Variants in PDE5A observed in about 807,000 individuals in gnomAD.
PDE5A encodes the protein cGMP-specific 3',5'-cyclic phosphodiesterase.
In PDE5A, 67 loss-of-function variants were observed where a neutral mutation model predicts 110.2. That is an observed-to-expected ratio of 0.61 (90% CI 0.50 to 0.75). The LOEUF is 0.75. Among genes scored for constraint, PDE5A ranks in the 30% least tolerant of loss-of-function variants. PDE5A has a pLI of 0.00. For synonymous variants in PDE5A, 328 were observed against 351.2 expected, an observed-to-expected ratio of 0.93 and a Z score of 0.74; for missense variants, 862 against 1,045.1, an observed-to-expected ratio of 0.82 and a Z score of 2.42.
At chr4:119,541,201 A>G (rs1271616647) in intron 10 of PDE5A, among the ~76,000 whole-genome samples, 1 of 152,030 alleles carries the variant, frequency 6.6e-6, no homozygotes, top group Non-Finnish European at 1.5e-5. Context: ...GAAACTTTCC[A>G]TAATAAAACA....
At position 119,498,437 on chromosome 4, in the gene PDE5A, TAA is replaced by T; in HGVS notation, c.*162_*163del. 1 of 676,320 alleles carries T rather than the reference TAA, an allele frequency of 1.5e-6. No individual in the cohort carries two copies. The highest frequency in any genetic ancestry group is 2.4e-6 in the Non-Finnish European group (1 of 409,732). The allele number at this position is 676,320 out of a possible 1,614,324, so 41.9% of individuals were successfully genotyped here. On this transcript the variant is annotated 3_prime_UTR_variant, in exon 21 of 21. Transcript: ENST00000354960. ...ATACAAAAAATATGTAATAGTCCTC[TAA>T]AAACATTCATGCTATACTCTCAAAA...
intron 4 of PDE5A, among the ~76,000 whole-genome samples, chr4:119,566,379 AATTCAGTAGGCTATGAT>A (rs1228598691): frequency 6.6e-6 from 1 of 152,168 alleles, no homozygotes; most frequent in African/African-American, 2.4e-5. Context: ...GAATAGGAAT[AATTCAGTAGGCTATGAT>A]ATACACATAA....
intron 3 of PDE5A, among the ~76,000 whole-genome samples, chr4:119,577,373 G>C (rs1207296525): frequency 2.6e-5 from 4 of 152,050 alleles, no homozygotes; most frequent in Admixed American, 1.3e-4. Flanking sequence ...GCCTGGCAGA[G>C]ACACCACAAA....
At chr4:119,575,130 T>C (rs917294351) in intron 3 of PDE5A, among the ~76,000 whole-genome samples, 1 of 152,066 alleles carries the variant, frequency 6.6e-6, no homozygotes, top group African/African-American at 2.4e-5. Flanking sequence ...AAGAGACGTT[T>C]AGAGAAAAAA....
chr4:119,507,919 C>T (rs1236908376), intron 15 of PDE5A, among the ~76,000 whole-genome samples: 1 of 151,896 alleles, frequency 6.6e-6, no homozygotes, highest in Non-Finnish European at 1.5e-5. Context: ...CATCTGCCTA[C>T]ATATGCATGT....
intron 3 of PDE5A, among the ~76,000 whole-genome samples, chr4:119,593,865 A>T (rs1291281945): frequency 1.3e-5 from 2 of 152,270 alleles, no homozygotes; most frequent in East Asian, 3.9e-4. Context: ...TCATGGCAGA[A>T]GGCAAAGGAG....
chr4:119,524,502 T>TATAACC (rs1382301004), intron 12 of PDE5A, among the ~76,000 whole-genome samples: 1 of 152,166 alleles, frequency 6.6e-6, no homozygotes, highest in Non-Finnish European at 1.5e-5. Flanking sequence ...AAACTTTGGT[T>TATAACC]AAATTCAGGA....
intron 9 of PDE5A, among the ~76,000 whole-genome samples, chr4:119,552,237 G>A (rs1727380315): frequency 6.6e-6 from 1 of 151,932 alleles, no homozygotes; most frequent in South Asian, 2.1e-4. Flanking sequence ...CAACATCCAG[G>A]AAATAAGACT....
At chr4:119,517,389 T>C (rs1725948316) in intron 14 of PDE5A, among the ~76,000 whole-genome samples, 2 of 148,912 alleles carry the variant, frequency 1.3e-5, no homozygotes, top group Non-Finnish European at 1.5e-5. Context: ...GTATCACTCA[T>C]TTACCAACAA....
At chr4:119,498,976 A>T (rs963063839) in intron 20 of PDE5A, among the ~76,000 whole-genome samples, 3 of 152,214 alleles carry the variant, frequency 2.0e-5, no homozygotes, top group Non-Finnish European at 4.4e-5. Context: ...AAATAACATT[A>T]CTGTGCTAGG....
intron 19 of PDE5A, among the ~76,000 whole-genome samples, chr4:119,502,079 C>T: frequency 6.6e-6 from 1 of 152,084 alleles, no homozygotes; most frequent in East Asian, 1.9e-4. Flanking sequence ...GGTCATCTTT[C>T]CTCCATGTTT....
chr4:119,592,791 T>G (rs899189450), intron 3 of PDE5A, among the ~76,000 whole-genome samples: 1 of 152,152 alleles, frequency 6.6e-6, no homozygotes, highest in African/African-American at 2.4e-5. Context: ...TCTCATGAAA[T>G]GCTTAGTGTA....
chr4:119,501,093 A>ATAT lies in PDE5A; in HGVS notation c.2490+74_2490+76dup, dbSNP rs1725308453. 3 of 859,372 alleles carry ATAT rather than the reference A, an allele frequency of 3.5e-6. No individual in the cohort carries two copies. The African/African-American group carries it at 5.1e-5, about 15-fold the overall frequency. 53.2% of individuals were successfully genotyped at this position (859,372 alleles called of 1,614,324 possible). On this transcript the variant is annotated intron_variant, in intron 20 of 20. Transcript: ENST00000354960. The stretch of plus-strand genomic sequence containing the variant: ...TTTAGAAGCAAAATATAGGCGCCTA[A>ATAT]TATTAATCTCTTCAATTTTAGGTTC...
At position 119,502,597 on chromosome 4, in the gene PDE5A, A is replaced by C. The variant is rs1725391617; in HGVS notation, c.2390T>G (p.Leu797Arg). The C allele has an allele frequency of 6.2e-7, 1 of 1,601,076 alleles. No homozygotes were observed. The change falls in exon 19 of 21, where the codon CTC becomes CGC. Residue 797 changes from leucine to arginine, a missense_variant. Transcript: ENST00000354960. ...FDQGDRERKE[L>R]NIEPTDLMNR... ...CATACTTACAGTGGGTTCTATGTTG[A>C]GTTCTTTTCTCTCTCTGTCTCCTTG...
At position 119,535,515 on chromosome 4, in the gene PDE5A, A is replaced by G. The variant is rs577815343; in HGVS notation, c.1632+3445T>C. ...CTAGTTTTTCAGATAATAAATAAGC[A>G]CTTATTATATTCTGATAATTAATTA... On this transcript the variant is annotated intron_variant, in intron 11 of 20. Coordinates refer to ENST00000354960, the MANE Select transcript of PDE5A (RefSeq NM_001083.4). Among the ~76,000 whole-genome samples, 7 of 152,300 alleles carry G rather than the reference A, an allele frequency of 4.6e-5. No individual in the cohort carries two copies. In the South Asian group the frequency reaches 1.4e-3, roughly 32 times the overall value.
Position 119,627,318 on chromosome 4 carries a change from C to T in PDE5A, c.152+1202G>A, listed in dbSNP as rs1730389953. ...CTCACGGCCCCGGCCTCCGCGCCGC[C>T]GCCCGTCGCCTCCCGCTCGCCCCGC... On this transcript the variant is annotated intron_variant, in intron 1 of 20. Coordinates refer to ENST00000354960, the MANE Select transcript of PDE5A (RefSeq NM_001083.4). The surrounding 1 kb of genome is among the most constrained non-coding windows in gnomAD (Gnocchi z 4.6). The T allele has an allele frequency of 8.3e-7, 1 of 1,197,980 alleles. No homozygotes were observed. Among genetic ancestry groups the T allele is most frequent in the Non-Finnish European group, 1.0e-6 (1 of 954,552 alleles). The allele number at this position is 1,197,980 out of a possible 1,614,324, so 74.2% of individuals were successfully genotyped here. A position where few individuals can be genotyped will look rare whatever the true frequency, so the allele number is the denominator to read the frequency against.
intron 3 of PDE5A, among the ~76,000 whole-genome samples, chr4:119,574,410 T>A (rs1357071412): frequency 6.6e-6 from 1 of 151,996 alleles, no homozygotes. Flanking sequence ...CTCAAACTCC[T>A]GACCTTGCGA....
chr4:119,552,975 AG>A (rs1423583296), intron 8 of PDE5A, among the ~76,000 whole-genome samples: 1 of 152,126 alleles, frequency 6.6e-6, no homozygotes, highest in Non-Finnish European at 1.5e-5. Context: ...ATTTAACGAG[AG>A]GGGCAGAATC....
At chr4:119,537,034 T>G (rs1726748910) in intron 11 of PDE5A, among the ~76,000 whole-genome samples, 1 of 152,166 alleles carries the variant, frequency 6.6e-6, no homozygotes, top group Admixed American at 6.6e-5. Flanking sequence ...TCCTCTTGTT[T>G]GGGCAAAAGA....
Sources: gnomAD v4.1 joint callset for allele counts (sites outside exome capture counted in the v4.1 genomes callset) on GRCh38, gnomAD v4.1.1 for gene constraint, Gnocchi (gnomAD v3.1) non-coding constraint, MANE v1.5 for transcripts, NCBI Gene and HGNC (gene_info 2026-07-23, HGNC 2026-07-21) for gene names.